AKR1C8: variants seen among roughly 807,000 people sequenced by gnomAD.
The protein encoded by AKR1C8 is aldo-keto reductase family 1 member C-like protein 1.
chr10:5,180,529 T>C, the AKR1C8 span, among the ~76,000 whole-genome samples: 5 of 152,324 alleles, frequency 3.3e-5, no homozygotes, highest in South Asian at 1.0e-3. Flanking sequence ...GACATTTAAG[T>C]CTGCAGAGGT....
chr10:5,153,642 T>G, the AKR1C8 span, among the ~76,000 whole-genome samples: 1 of 152,140 alleles, frequency 6.6e-6, no homozygotes, highest in East Asian at 1.9e-4. Context: ...CGCGTCTTCA[T>G]GTGGCCAGAG....
the AKR1C8 span, among the ~76,000 whole-genome samples, chr10:5,163,893 T>C: frequency 1.3e-5 from 2 of 152,218 alleles, no homozygotes; most frequent in Admixed American, 6.5e-5. Context: ...GACATACCCA[T>C]AACTACACTA....
chr10:5,161,323 G>A, the AKR1C8 span, among the ~76,000 whole-genome samples: 2 of 152,158 alleles, frequency 1.3e-5, no homozygotes, highest in Non-Finnish European at 2.9e-5. Context: ...CCGACTCAGA[G>A]AGTAAGGACA....
the AKR1C8 span, among the ~76,000 whole-genome samples, chr10:5,165,443 T>A: frequency 1.3e-5 from 2 of 152,104 alleles, no homozygotes; most frequent in African/African-American, 2.4e-5. Flanking sequence ...GCTCAAAACC[T>A]CTAGTTTCCC....
the AKR1C8 span, chr10:5,123,817 C>T: frequency 9.9e-6 from 16 of 1,610,000 alleles, no homozygotes; most frequent in Admixed American, 1.7e-5. Context: ...GGATGACATT[C>T]CACCTGCAGA....
chr10:5,153,344 A>T, the AKR1C8 span, among the ~76,000 whole-genome samples: 5 of 152,236 alleles, frequency 3.3e-5, no homozygotes, highest in African/African-American at 1.2e-4. Flanking sequence ...TACAACAAGT[A>T]AAATATAATT....
At chr10:5,146,303 T>A in the AKR1C8 span, among the ~76,000 whole-genome samples, 2 of 151,968 alleles carry the variant, frequency 1.3e-5, no homozygotes, top group African/African-American at 2.4e-5. Flanking sequence ...CGTATGTAAC[T>A]AACCTGCACA....
the AKR1C8 span, among the ~76,000 whole-genome samples, chr10:5,171,076 GC>G: frequency 4.6e-5 from 7 of 152,050 alleles, no homozygotes; most frequent in East Asian, 1.4e-3. Context: ...TTTAATTTAT[GC>G]AGCTAATTCC....
At chr10:5,175,119 TC>T in the AKR1C8 span, among the ~76,000 whole-genome samples, 2 of 37,662 alleles carry the variant, frequency 5.3e-5, no homozygotes, top group African/African-American at 1.0e-4. Context: ...CCCTCCCCCC[TC>T]CCCCCTCCCC....
the AKR1C8 span, among the ~76,000 whole-genome samples, chr10:5,137,267 T>C: frequency 0.39 from 59,500 of 151,844 alleles, 12,469 homozygotes; most frequent in Non-Finnish European, 0.43. Context: ...AGCATCATCC[T>C]GATACCAAAG....
chr10:5,177,794 T>C, the AKR1C8 span, among the ~76,000 whole-genome samples: 4,768 of 152,256 alleles, frequency 0.031, 246 homozygotes, highest in African/African-American at 0.11. Context: ...TCTCTGATGG[T>C]AGTTTGTATT....
At chr10:5,152,632 T>C in the AKR1C8 span, among the ~76,000 whole-genome samples, 2 of 152,196 alleles carry the variant, frequency 1.3e-5, no homozygotes, top group Non-Finnish European at 2.9e-5. Context: ...CTAGTTTCTG[T>C]GGCTAGCCTT....
At chr10:5,178,941 G>C in the AKR1C8 span, among the ~76,000 whole-genome samples, 1 of 152,124 alleles carries the variant, frequency 6.6e-6, no homozygotes, top group African/African-American at 2.4e-5. Flanking sequence ...CAATTTGCCA[G>C]TCTGTGTCTT....
At chr10:5,141,804 G>C in the AKR1C8 span, among the ~76,000 whole-genome samples, 1 of 152,108 alleles carries the variant, frequency 6.6e-6, no homozygotes, top group Admixed American at 6.6e-5. Flanking sequence ...GCTATAAAGA[G>C]CTATGCTGTA....
the AKR1C8 span, among the ~76,000 whole-genome samples, chr10:5,158,926 G>A: frequency 1.3e-5 from 2 of 152,044 alleles, no homozygotes; most frequent in African/African-American, 4.8e-5. Context: ...ATTCGTGTTT[G>A]AAAATTATTA....
the AKR1C8 span, among the ~76,000 whole-genome samples, chr10:5,133,433 A>G: frequency 6.6e-6 from 1 of 152,116 alleles, no homozygotes; most frequent in Non-Finnish European, 1.5e-5. Flanking sequence ...CACATGGAAG[A>G]AGGCACATGG....
At chr10:5,132,781 AT>A in the AKR1C8 span, 2 of 1,214,222 alleles carry the variant, frequency 1.6e-6, no homozygotes, top group African/African-American at 3.1e-5. Flanking sequence ...CGGAGGAGTA[AT>A]GAAAAGTAGT....
the AKR1C8 span, among the ~76,000 whole-genome samples, chr10:5,133,778 C>A: frequency 3.3e-5 from 5 of 152,140 alleles, no homozygotes; most frequent in African/African-American, 1.2e-4. Flanking sequence ...ACAGGTACAT[C>A]TACGGGTGGC....
chr10:5,161,677 G>C, the AKR1C8 span: 1 of 532,484 alleles, frequency 1.9e-6, no homozygotes. Context: ...AGAAAATCTT[G>C]ATGGTAGAGT....
Sources: allele counts gnomAD v4.1 joint callset (sites outside exome capture counted in the v4.1 genomes callset), GRCh38; gene constraint gnomAD v4.1.1; transcripts MANE v1.5; gene names NCBI Gene and HGNC (gene_info 2026-07-23, HGNC 2026-07-21).